MAP3K5: variants seen among roughly 807,000 people sequenced by gnomAD.
MAP3K5 encodes ASK-1.
Under a neutral mutation model 158.7 loss-of-function variants are expected in MAP3K5, and 56 were observed. The observed-to-expected ratio is 0.35, with a 90% CI of 0.28 to 0.44. The LOEUF (loss-of-function observed/expected upper bound fraction) is 0.44. MAP3K5 is among the 20% of genes least tolerant of loss of function. The pLI is 1.00. For missense variants in MAP3K5, 1,294 were observed against 1,674.8 expected (o/e 0.77, Z 3.97); for synonymous variants, 579 against 601.7 (o/e 0.96, Z 0.55).
At chr6:136,642,030 A>AAAAAT (rs57982866) in intron 12 of MAP3K5, among the ~76,000 whole-genome samples, 2,522 of 119,084 alleles carry the variant, frequency 0.021, 52 homozygotes, top group African/African-American at 0.024. Flanking sequence ...AAAATAAAAT[A>AAAAAT]AAAATAAAAT....
intron 26 of MAP3K5, 97 bp downstream of exon 26, chr6:136,567,534 G>T: frequency 7.9e-7 from 1 of 1,265,424 alleles, no homozygotes; most frequent in Non-Finnish European, 1.1e-6. Flanking sequence ...AAGTTTCCAT[G>T]AATGGGATAA....
At chr6:136,585,473 CTTTATTTATTTATTTATTTATTTA>C (rs554195273) in intron 23 of MAP3K5, among the ~76,000 whole-genome samples, 1 of 135,038 alleles carries the variant, frequency 7.4e-6, no homozygotes, top group African/African-American at 2.7e-5. Context: ...CTTTTCTTTT[CTTTATTTATTTATTTATTTATTTA>C]TTTATTTATT....
At chr6:136,653,563 G>A (rs1778612649) in intron 10 of MAP3K5, among the ~76,000 whole-genome samples, 1 of 152,166 alleles carries the variant, frequency 6.6e-6, no homozygotes, top group Non-Finnish European at 1.5e-5. Context: ...CTATGAGGGA[G>A]AGCACGGGTG....
chr6:136,742,988 T>A (rs1782775684), intron 1 of MAP3K5, among the ~76,000 whole-genome samples: 1 of 149,442 alleles, frequency 6.7e-6, no homozygotes, highest in African/African-American at 2.5e-5. Context: ...AGGCCAGGAG[T>A]CATGGTAGAA....
intron 11 of MAP3K5, among the ~76,000 whole-genome samples, chr6:136,649,661 G>A (rs1285183146): frequency 6.6e-6 from 1 of 152,180 alleles, no homozygotes; most frequent in Admixed American, 6.5e-5. Flanking sequence ...GGGCAAAGCA[G>A]GGTTAAACTC....
At chr6:136,586,612 G>A (rs1455809147) in intron 23 of MAP3K5, among the ~76,000 whole-genome samples, 1 of 152,182 alleles carries the variant, frequency 6.6e-6, no homozygotes, top group Non-Finnish European at 1.5e-5. Flanking sequence ...TGCATTTCCT[G>A]CACTCCTAGT....
chr6:136,785,719 C>A lies in MAP3K5; in HGVS notation c.448+5991G>T, dbSNP rs189439885. ...GATCTTCCCTTTGTCCCCTTCCTCA[C>A]CACAGCCCCACCACCTTCACCACTC... On this transcript the variant is annotated intron_variant, in intron 1 of 29. Transcript: ENST00000359015. Among the ~76,000 whole-genome samples, 31 of 152,320 alleles carry A rather than the reference C, an allele frequency of 2.0e-4. No homozygotes were observed. In the East Asian group the frequency reaches 4.4e-3, roughly 22 times the overall value.
intron 3 of MAP3K5, among the ~76,000 whole-genome samples, chr6:136,702,731 T>C (rs1276581146): frequency 2.6e-5 from 4 of 152,274 alleles, no homozygotes; most frequent in Non-Finnish European, 5.9e-5. Context: ...AATCTTACTC[T>C]GTTGCCTAGG....
At chr6:136,674,034 C>G (rs1779598028) in intron 7 of MAP3K5, among the ~76,000 whole-genome samples, 1 of 151,826 alleles carries the variant, frequency 6.6e-6, no homozygotes, top group African/African-American at 2.4e-5. Flanking sequence ...AGATACATTA[C>G]TTTCAAAGGA....
chr6:136,563,526 C>T (rs1244525759), intron 26 of MAP3K5, among the ~76,000 whole-genome samples: 1 of 152,046 alleles, frequency 6.6e-6, no homozygotes, highest in Non-Finnish European at 1.5e-5. Flanking sequence ...TCTAAGGGGG[C>T]GGGGGTGAAG....
intron 17 of MAP3K5, among the ~76,000 whole-genome samples, chr6:136,612,499 T>C (rs901404537): frequency 6.6e-6 from 1 of 152,348 alleles, no homozygotes; most frequent in Admixed American, 6.5e-5. Flanking sequence ...TGTAGGGACA[T>C]GATAGATAAA....
chr6:136,780,582 G>T (rs191503881), intron 1 of MAP3K5, among the ~76,000 whole-genome samples: 1 of 152,116 alleles, frequency 6.6e-6, no homozygotes, highest in Non-Finnish European at 1.5e-5. Context: ...GTAATGTGGC[G>T]CTTCCTGTGA....
intron 2 of MAP3K5, among the ~76,000 whole-genome samples, chr6:136,719,008 T>A (rs1240254825): frequency 2.0e-5 from 3 of 151,952 alleles, no homozygotes; most frequent in Non-Finnish European, 4.4e-5. Flanking sequence ...AAACCCCATC[T>A]CTACAAAAAA....
chr6:136,665,091 C>T (rs909068264), intron 8 of MAP3K5, among the ~76,000 whole-genome samples: 10 of 152,098 alleles, frequency 6.6e-5, no homozygotes, highest in African/African-American at 2.4e-4. Context: ...ACATTTGTTC[C>T]TTTGTGACTA....
rs1047398439 is a variant in MAP3K5, at chr6:136,592,064, C to G, written c.3225+109G>C. 51 of 914,650 alleles carry G rather than the reference C, an allele frequency of 5.6e-5. No individual in the cohort carries two copies. In the Admixed American group the frequency reaches 1.3e-3, roughly 24 times the overall value. 56.7% of individuals were successfully genotyped at this position (914,650 alleles called of 1,614,324 possible). On this transcript the variant is annotated intron_variant, in intron 23 of 29. Coordinates refer to ENST00000359015, the MANE Select transcript of MAP3K5 (RefSeq NM_005923.4). Reference sequence around the variant, plus strand: ...TGTGGGGTAGGTTTATCATGATGATCACTACAGGTTCCTCTTGCCTTTCAC... The same window carrying G: ...TGTGGGGTAGGTTTATCATGATGATGACTACAGGTTCCTCTTGCCTTTCAC...
At chr6:136,779,092 G>T (rs1033022942) in intron 1 of MAP3K5, among the ~76,000 whole-genome samples, 1 of 152,112 alleles carries the variant, frequency 6.6e-6, no homozygotes, top group Non-Finnish European at 1.5e-5. Flanking sequence ...TTGAGGCCAG[G>T]AGTTCGAGAC....
At position 136,561,529 on chromosome 6, in the gene MAP3K5, T is replaced by A; in HGVS notation, c.3987+4A>T. ...ATACTTGTCCCACAGACAGTTTTCT[T>A]TACCCGGCTTATAGTGTCTTCATCA... On this transcript the variant is annotated splice_donor_region_variant and intron_variant, in intron 28 of 29. Coordinates refer to ENST00000359015, the MANE Select transcript of MAP3K5 (RefSeq NM_005923.4). 1.2e-6 allele frequency: 2 copies of A among 1,601,248 alleles called. No individual in the cohort carries two copies. Among genetic ancestry groups the A allele is most frequent in the Non-Finnish European group, 1.7e-6 (2 of 1,168,644 alleles).
At chr6:136,622,450 G>T (rs1411072740) in intron 15 of MAP3K5, among the ~76,000 whole-genome samples, 3 of 152,192 alleles carry the variant, frequency 2.0e-5, no homozygotes, top group Non-Finnish European at 4.4e-5. Context: ...AAGAGCCACT[G>T]ATTTCAGTCT....
intron 9 of MAP3K5, among the ~76,000 whole-genome samples, chr6:136,658,287 TTTTTCTTTTC>T (rs1362530311): frequency 2.0e-5 from 3 of 150,054 alleles, no homozygotes; most frequent in South Asian, 2.1e-4. Flanking sequence ...ATTCTTTTTC[TTTTTCTTTTC>T]TTTCTTTCTT....
Sources: gnomAD v4.1 joint callset for allele counts (sites outside exome capture counted in the v4.1 genomes callset) on GRCh38, gnomAD v4.1.1 for gene constraint, MANE v1.5 for transcripts, NCBI Gene and HGNC (gene_info 2026-07-23, HGNC 2026-07-21) for gene names.